Variants in CDC42SE2 observed in about 807,000 individuals in gnomAD.
CDC42SE2 encodes CDC42 small effector 2.
A neutral mutation model predicts 11.5 loss-of-function variants in CDC42SE2; 3 were observed. The observed-to-expected ratio is 0.26, with a 90% CI of 0.12 to 0.67. The LOEUF (loss-of-function observed/expected upper bound fraction) is 0.67. Among genes scored for constraint, CDC42SE2 ranks in the 30% least tolerant of loss-of-function variants. The pLI is 0.80. For synonymous variants in CDC42SE2, 33 were observed against 34.8 expected, an observed-to-expected ratio of 0.95 and a Z score of 0.18; for missense variants, 82 against 106.8, an observed-to-expected ratio of 0.77 and a Z score of 1.02.
chr5:131,264,214 C>T (rs1225065672), intron 1 of CDC42SE2, 48 bp downstream of exon 1: 1 of 152,332 alleles, frequency 6.6e-6, no homozygotes, highest in East Asian at 1.9e-4. Context: ...CACGCCTCGC[C>T]CTCTCGGTCC....
chr5:131,300,122 G>A (rs1260979756), intron 1 of CDC42SE2, among the ~76,000 whole-genome samples: 2 of 152,074 alleles, frequency 1.3e-5, no homozygotes, highest in African/African-American at 2.4e-5. Flanking sequence ...GTTGGTGATC[G>A]TGGTAGTGTT....
At chr5:131,295,194 A>T (rs1350537714) in intron 1 of CDC42SE2, among the ~76,000 whole-genome samples, 5 of 151,782 alleles carry the variant, frequency 3.3e-5, no homozygotes, top group African/African-American at 1.2e-4. Flanking sequence ...GAGGCATGAG[A>T]ATCACTTGAA....
intron 3 of CDC42SE2, among the ~76,000 whole-genome samples, chr5:131,383,249 C>T (rs989287204): frequency 2.3e-4 from 35 of 151,982 alleles, no homozygotes; most frequent in African/African-American, 8.2e-4. Context: ...GAGCAGTATG[C>T]GAGAAAAAGA....
chr5:131,302,820 A>G (rs1487379960), intron 1 of CDC42SE2, among the ~76,000 whole-genome samples: 1 of 143,998 alleles, frequency 6.9e-6, no homozygotes, highest in Non-Finnish European at 1.5e-5. Context: ...TTGCCTCATG[A>G]CTCTTTTTTT....
chr5:131,359,382 A>G lies in CDC42SE2; in HGVS notation c.-112A>G. On this transcript the variant is annotated 5_prime_UTR_variant, in exon 3 of 5. Coordinates refer to ENST00000505065, the MANE Select transcript of CDC42SE2 (RefSeq NM_001375635.1). ...GGAACAAAAACACGGTGAAATAATA[A>G]AATTTCATCTTGGCATCACTGGACA... The G allele has an allele frequency of 1.2e-6, 1 of 818,802 alleles. No homozygotes were observed. Among genetic ancestry groups the G allele is most frequent in the Non-Finnish European group, 2.2e-6 (1 of 462,780 alleles). 50.7% of individuals were successfully genotyped at this position (818,802 alleles called of 1,614,324 possible). A position where few individuals can be genotyped will look rare whatever the true frequency, so the allele number is the denominator to read the frequency against.
rs554454184 is a variant in CDC42SE2, at chr5:131,250,548, A to G, written n.108-4547A>G. Among the ~76,000 whole-genome samples, 6 of 152,316 alleles carry G rather than the reference A, an allele frequency of 3.9e-5. No homozygotes were observed. The South Asian group carries it at 1.0e-3, about 26-fold the overall frequency. On this transcript the variant is annotated intron_variant and non_coding_transcript_variant, in intron 1 of 3. Coordinates refer to the CDC42SE2 transcript ENST00000502840. The stretch of plus-strand genomic sequence containing the variant: ...AACTGTGGAGACAGTAAAAAGATCA[A>G]TGGTTGCCAGGGACTGTGGAGCCAG...
At chr5:131,320,201 A>G (rs1419959050) in intron 2 of CDC42SE2, among the ~76,000 whole-genome samples, 2 of 151,742 alleles carry the variant, frequency 1.3e-5, no homozygotes, top group East Asian at 1.9e-4. Flanking sequence ...CCTGGCCAAC[A>G]TAATGAAACC....
At chr5:131,327,334 A>G (rs1469719808) in intron 2 of CDC42SE2, among the ~76,000 whole-genome samples, 6 of 152,098 alleles carry the variant, frequency 3.9e-5, no homozygotes, top group Non-Finnish European at 7.4e-5. Context: ...CCCAGTGAGT[A>G]TATTGCTGGT....
At chr5:131,239,130 A>G in the CDC42SE2 span, among the ~76,000 whole-genome samples, 1 of 152,042 alleles carries the variant, frequency 6.6e-6, no homozygotes, top group Non-Finnish European at 1.5e-5. Flanking sequence ...ACTGCACTCC[A>G]GCCTGGGCGA....
At chr5:131,260,324 T>C (rs1756712522), upstream of CDC42SE2, among the ~76,000 whole-genome samples, 1 of 152,126 alleles carries the variant, frequency 6.6e-6, no homozygotes, top group Non-Finnish European at 1.5e-5. Context: ...AAAGAGGATT[T>C]AAAAAACATT....
intron 2 of CDC42SE2, among the ~76,000 whole-genome samples, chr5:131,258,572 T>G (rs1237482202): frequency 1.3e-5 from 2 of 152,080 alleles, no homozygotes; most frequent in East Asian, 3.9e-4. Flanking sequence ...GGCTATGTAT[T>G]GAAGCTAGCC....
the CDC42SE2 span, among the ~76,000 whole-genome samples, chr5:131,227,873 T>C: frequency 2.0e-5 from 3 of 152,090 alleles, no homozygotes; most frequent in African/African-American, 4.8e-5. Flanking sequence ...GGCAAAATCC[T>C]GTCTCTACAA....
the CDC42SE2 span, among the ~76,000 whole-genome samples, chr5:131,238,627 A>C: frequency 1.3e-5 from 2 of 151,992 alleles, no homozygotes; most frequent in Non-Finnish European, 2.9e-5. Context: ...AAATAATAAT[A>C]AAAAAGAAAA....
At chr5:131,292,197 CCACTG>C (rs1757470473) in intron 1 of CDC42SE2, among the ~76,000 whole-genome samples, 1 of 138,550 alleles carries the variant, frequency 7.2e-6, no homozygotes, top group African/African-American at 2.9e-5. Context: ...CGAGATTGTA[CCACTG>C]CACTCCAGCC....
At position 131,362,894 on chromosome 5, in the gene CDC42SE2, C is replaced by T. The variant is rs113847986; in HGVS notation, c.54+3347C>T. On this transcript the variant is annotated intron_variant, in intron 3 of 4. Transcript: ENST00000505065. ...GGGCGCAGTGGCTAACACCTGTAAT[C>T]CTAGCACTTTGAGAGGCCAAGGCAG... 7.3e-3 allele frequency among the ~76,000 whole-genome samples: 1,114 copies of T among 152,188 alleles called. 11 individuals carry two copies. The highest frequency in any genetic ancestry group is 0.026 in the African/African-American group (1,065 of 41,508).
intron 1 of CDC42SE2, among the ~76,000 whole-genome samples, chr5:131,264,772 T>A (rs900059246): frequency 1.3e-5 from 2 of 152,212 alleles, no homozygotes; most frequent in Non-Finnish European, 2.9e-5. Flanking sequence ...AAGTTGCGAT[T>A]TTAGGCAACG....
chr5:131,235,290 A>G, the CDC42SE2 span, among the ~76,000 whole-genome samples: 1 of 133,584 alleles, frequency 7.5e-6, no homozygotes, highest in Admixed American at 7.0e-5. Flanking sequence ...ACACATCCAG[A>G]CATTTTTTTT....
chr5:131,235,543 C>T, the CDC42SE2 span, among the ~76,000 whole-genome samples: 1 of 151,898 alleles, frequency 6.6e-6, no homozygotes, highest in East Asian at 1.9e-4. Context: ...CCACCTCAGC[C>T]TCCAAAAATG....
chr5:131,280,773 T>G (rs929256690), intron 1 of CDC42SE2, among the ~76,000 whole-genome samples: 17 of 152,130 alleles, frequency 1.1e-4, no homozygotes, highest in African/African-American at 4.1e-4. Context: ...GACTGATCCT[T>G]TAATAGTAAA....
Sources: gnomAD v4.1 joint callset for allele counts (sites outside exome capture counted in the v4.1 genomes callset) on GRCh38, gnomAD v4.1.1 for gene constraint, MANE v1.5 for transcripts, NCBI Gene and HGNC (gene_info 2026-07-23, HGNC 2026-07-21) for gene names.